The following SNX19 variants were observed in gnomAD, a reference collection of about 807,000 sequenced individuals.
The protein encoded by SNX19 is sorting nexin-19.
Under a neutral mutation model 85.2 loss-of-function variants are expected in SNX19, and 60 were observed. The ratio of observed to expected loss-of-function variants is 0.70; its 90% CI spans 0.57 to 0.87. The LOEUF (loss-of-function observed/expected upper bound fraction) is 0.87. Among genes scored for constraint, SNX19 ranks in the 40% least tolerant of loss-of-function variants. The pLI is 0.00. For synonymous variants in SNX19, 520 were observed against 470.0 expected, an observed-to-expected ratio of 1.11 and a Z score of -1.38; for missense variants, 1,201 against 1,217.8, an observed-to-expected ratio of 0.99 and a Z score of 0.21.
At chr11:130,902,468 T>C (rs967953126) in intron 8 of SNX19, among the ~76,000 whole-genome samples, 10 of 152,220 alleles carry the variant, frequency 6.6e-5, no homozygotes, top group Non-Finnish European at 1.5e-4. Context: ...ATGAGCCTCA[T>C]GCTAAGAGAA....
At chr11:130,895,204 C>G in intron 8 of SNX19, 3 of 985,370 alleles carry the variant, frequency 3.0e-6, no homozygotes, top group Non-Finnish European at 3.6e-6. Context: ...CTGAAGGGCC[C>G]CCAAACCTCT....
chr11:130,905,545 T>A, intron 7 of SNX19: 2 of 765,950 alleles, frequency 2.6e-6, no homozygotes, highest in Non-Finnish European at 3.9e-6. Flanking sequence ...CTCTGGCAGG[T>A]GGATCATGGA....
At position 130,915,320 on chromosome 11, in the gene SNX19, G is replaced by C; in HGVS notation, c.620C>G (p.Ala207Gly). ...AACGCCACGCGTATAGGTGACTTCA[G>C]CACTGGGGCTGTGCACAGCAGGATG... ...APHPAVHSPS[A>G]EVTYTRGVVN... The change falls in exon 1 of 11, where the codon GCT (alanine) becomes GGT (glycine). Residue 207 changes from alanine to glycine, a missense_variant. Transcript: ENST00000265909. 1 of 1,614,204 alleles carries C rather than the reference G, an allele frequency of 6.2e-7. No individual in the cohort carries two copies. Among genetic ancestry groups the C allele is most frequent in the South Asian group, 1.1e-5 (1 of 91,086 alleles).
In SNX19 at chr11:130,911,632, C is replaced by T. The variant is rs1340885786; in HGVS notation, c.1813+1G>A. On this transcript the variant is annotated splice_donor_variant, in intron 2 of 10. Transcript: ENST00000265909. LOFTEE classifies it high-confidence loss of function. ...CAGTAGGGGTTGGGGAAACTCCTGA[C>T]TTTTGATGAACTTTCGTAGATCTGG... The T allele has an allele frequency of 3.2e-5, 51 of 1,613,980 alleles. No individual in the cohort carries two copies. The highest frequency in any genetic ancestry group is 4.1e-5 in the Non-Finnish European group (48 of 1,179,994).
intron 8 of SNX19, among the ~76,000 whole-genome samples, chr11:130,886,595 A>C (rs1944092661): frequency 6.6e-6 from 1 of 152,132 alleles, no homozygotes; most frequent in African/African-American, 2.4e-5. Context: ...CCTAGCACAT[A>C]AGTATGAGTA....
intron 8 of SNX19, among the ~76,000 whole-genome samples, chr11:130,902,391 C>T (rs145326542): frequency 6.8e-4 from 104 of 152,274 alleles, no homozygotes; most frequent in South Asian, 1.2e-3. Context: ...AATAACTTTT[C>T]GACTTGGTAA....
chr11:130,910,921 G>A (rs1205099698), intron 2 of SNX19, among the ~76,000 whole-genome samples: 6 of 152,128 alleles, frequency 3.9e-5, no homozygotes, highest in African/African-American at 7.2e-5. Context: ...TTGGCTGGGC[G>A]TAGTAGCTCA....
Position 130,871,903 on chromosome 11 carries a change from T to C in SNX19, c.*6519A>G, listed in dbSNP as rs1295127542. Among the ~76,000 whole-genome samples, 2 of 152,232 alleles carry C rather than the reference T, an allele frequency of 1.3e-5. No homozygotes were observed. The highest frequency in any genetic ancestry group is 2.4e-5 in the African/African-American group (1 of 41,456). On this transcript the variant is annotated 3_prime_UTR_variant, in exon 11 of 11. Coordinates refer to ENST00000265909, the MANE Select transcript of SNX19 (RefSeq NM_014758.3). Reference sequence around the variant, plus strand: ...CTTTAATATTAAAATTAGCTTACACTTCCTAAACAAACACTGACTGGTGAC... The same window carrying C: ...CTTTAATATTAAAATTAGCTTACACCTCCTAAACAAACACTGACTGGTGAC...
intron 2 of SNX19, chr11:130,911,305 T>C (rs1049450177): frequency 5.4e-6 from 2 of 373,474 alleles, no homozygotes; most frequent in Non-Finnish European, 8.0e-6. Flanking sequence ...TATTTTAATA[T>C]TTAAGAACCA....
chr11:130,911,872 C>A (rs12420834), intron 1 of SNX19, 101 bp from the exon 2 acceptor site: 211,822 of 1,146,900 alleles, frequency 0.18, 20,886 homozygotes, highest in Middle Eastern at 0.2. Flanking sequence ...AGCAAGAGTA[C>A]GAAACTAAGA....
rs1038290266 is a variant in SNX19 at position 130,871,453 on chromosome 11, T to C, written c.*6969A>G. On this transcript the variant is annotated 3_prime_UTR_variant, in exon 11 of 11. Transcript: ENST00000265909. The stretch of plus-strand genomic sequence containing the variant: ...TAAAGGAGGTAAACTCCAAAAGTGT[T>C]TTTCCTCCCTTAATAAGGTCTATTC... 2.6e-5 allele frequency among the ~76,000 whole-genome samples: 4 copies of C among 152,154 alleles called. No individual in the cohort carries two copies. The highest frequency in any genetic ancestry group is 9.7e-5 in the African/African-American group (4 of 41,416).
Position 130,875,101 on chromosome 11 carries a change from C to T in SNX19, c.*3321G>A, listed in dbSNP as rs570144656. On this transcript the variant is annotated 3_prime_UTR_variant, in exon 11 of 11. Coordinates refer to ENST00000265909, the MANE Select transcript of SNX19 (RefSeq NM_014758.3). ...AGCATTGTTTTCAACAATCAAGGCG[C>T]GGAGCCAACCTAAATGTCCCTCAAT... is the stretch of plus-strand genomic sequence containing the variant. Among the ~76,000 whole-genome samples the T allele has an allele frequency of 1.7e-4, 26 of 152,300 alleles. No homozygotes were observed. The East Asian group carries it at 5.0e-3, about 29-fold the overall frequency.
intron 8 of SNX19, among the ~76,000 whole-genome samples, chr11:130,898,758 A>G (rs1336679565): frequency 6.6e-6 from 1 of 152,240 alleles, no homozygotes; most frequent in Non-Finnish European, 1.5e-5. Flanking sequence ...TGTCCCAGGG[A>G]TAGTAACATG....
In SNX19 at chr11:130,874,864, A is replaced by G. The variant is rs937027623; in HGVS notation, c.*3558T>C. On this transcript the variant is annotated 3_prime_UTR_variant, in exon 11 of 11. Transcript: ENST00000265909. ...TGCCATTATGAAAAAACAAAACATT[A>G]CAAGTGTTGGAGAGGATGTGGAGAA... 6.6e-5 allele frequency among the ~76,000 whole-genome samples: 10 copies of G among 152,254 alleles called. No individual in the cohort carries two copies. Among genetic ancestry groups the G allele is most frequent in the Non-Finnish European group, 1.3e-4 (9 of 68,042 alleles).
intron 8 of SNX19, among the ~76,000 whole-genome samples, chr11:130,888,516 T>C (rs1944251296): frequency 6.6e-6 from 1 of 152,186 alleles, no homozygotes; most frequent in Non-Finnish European, 1.5e-5. Context: ...CCATACACAA[T>C]GTAACTACAA....
chr11:130,895,612 A>G (rs549028334), intron 8 of SNX19, among the ~76,000 whole-genome samples: 1 of 152,332 alleles, frequency 6.6e-6, no homozygotes, highest in African/African-American at 2.4e-5. Flanking sequence ...ACTTGGAAAA[A>G]AAGGCTCTGA....
At position 130,910,452 on chromosome 11, in the gene SNX19, C is replaced by CTT. The variant is rs957775846; in HGVS notation, c.1814-83_1814-82insAA. 18 of 1,009,496 alleles carry CTT rather than the reference C, an allele frequency of 1.8e-5. No individual in the cohort carries two copies. In the African/African-American group the frequency reaches 3.0e-4, roughly 17 times the overall value. 62.5% of individuals were successfully genotyped at this position (1,009,496 alleles called of 1,614,324 possible). On this transcript the variant is annotated intron_variant, in intron 2 of 10. Transcript: ENST00000265909. ...TTCCATATAAAACATATAAAGAAAA[C>CTT]AGAACTATTGAATATATTTCCTTGG... is the stretch of plus-strand genomic sequence containing the variant.
rs147428480 is a variant in SNX19 at position 130,874,308 on chromosome 11, C to A, written c.*4114G>T. ...AAGTGTTGAGATTATAGGTGTGAGC[C>A]GCTGTGCCCGGCCTAGAAGAGGATT... On this transcript the variant is annotated 3_prime_UTR_variant, in exon 11 of 11. Transcript: ENST00000265909. Among the ~76,000 whole-genome samples, 1 of 152,168 alleles carries A rather than the reference C, an allele frequency of 6.6e-6. No individual in the cohort carries two copies. Among genetic ancestry groups the A allele is most frequent in the Non-Finnish European group, 1.5e-5 (1 of 68,028 alleles).
At chr11:130,894,306 CG>C (rs1283185367) in intron 8 of SNX19, among the ~76,000 whole-genome samples, 15 of 152,170 alleles carry the variant, frequency 9.9e-5, no homozygotes, top group African/African-American at 2.4e-5. Context: ...GAATTTTTAA[CG>C]GGTGGGATCC....
Sources: gnomAD v4.1 joint callset for allele counts (sites outside exome capture counted in the v4.1 genomes callset) on GRCh38, gnomAD v4.1.1 for gene constraint, MANE v1.5 for transcripts, NCBI Gene and HGNC (gene_info 2026-07-23, HGNC 2026-07-21) for gene names.